KIAA0586: variants seen among roughly 807,000 people sequenced by gnomAD.
KIAA0586 encodes KIAA0586, also known as protein TALPID3.
A neutral mutation model predicts 169.8 loss-of-function variants in KIAA0586; 144 were observed. The ratio of observed to expected loss-of-function variants is 0.85; its 90% CI spans 0.74 to 0.97. KIAA0586 has a LOEUF of 0.97. KIAA0586 is among the 50% of genes least tolerant of loss of function. The pLI is 0.00. For synonymous variants in KIAA0586, 625 were observed against 612.4 expected (o/e 1.02, Z -0.30); for missense variants, 1,854 against 1,823.0 (o/e 1.02, Z -0.31).
At chr14:58,467,959 G>T in intron 16 of KIAA0586, 37 bp downstream of exon 16, 2 of 1,478,714 alleles carry the variant, frequency 1.4e-6, no homozygotes, top group East Asian at 2.4e-5. Flanking sequence ...TTTTAAGGAA[G>T]AAAAAATTTT....
At chr14:58,518,690 C>T (rs1295524558) in intron 29 of KIAA0586, among the ~76,000 whole-genome samples, 2 of 152,242 alleles carry the variant, frequency 1.3e-5, no homozygotes, top group African/African-American at 2.4e-5. Context: ...TCTCTCCCCA[C>T]TTCTATATGC....
At chr14:58,518,039 G>C (rs1214704272) in intron 29 of KIAA0586, among the ~76,000 whole-genome samples, 6 of 152,132 alleles carry the variant, frequency 3.9e-5, no homozygotes, top group African/African-American at 1.4e-4. Context: ...TATATATCTT[G>C]ATTGGGGTAG....
chr14:58,443,887 T>G, intron 5 of KIAA0586, 67 bp from the exon 6 acceptor site: 1 of 919,806 alleles, frequency 1.1e-6, no homozygotes, highest in Non-Finnish European at 1.7e-6. Flanking sequence ...AAATAACATT[T>G]CTAGTAATTA....
In KIAA0586 at chr14:58,474,772, A is replaced by G; in HGVS notation, c.2800A>G (p.Thr934Ala). The G allele has an allele frequency of 6.2e-7, 1 of 1,606,784 alleles. No individual in the cohort carries two copies. Among genetic ancestry groups the G allele is most frequent in the South Asian group, 1.1e-5 (1 of 89,222 alleles). ...GGATAAAGTAATTGAGAGAAAAGAA[A>G]CACTGGAAAATAGCTTAATTCAATG... ...ILDKVIERKE[T>A]LENSLIQWVE... Residue 934 changes from threonine to alanine, a missense_variant, in exon 19 of 31, where the codon ACA becomes GCA. Transcript: ENST00000652326.
At position 58,441,326 on chromosome 14, in the gene KIAA0586, G is replaced by A. The variant is rs897759486; in HGVS notation, c.411-1380G>A. ...TGAGATCCTCCCACCTCAGCCTCCC[G>A]AGTAGCTGGGACTACAGGTGTGTGC... is the stretch of plus-strand genomic sequence containing the variant. On this transcript the variant is annotated intron_variant, in intron 4 of 30. Transcript: ENST00000652326. 4 of 444,540 alleles carry A rather than the reference G, an allele frequency of 9.0e-6. No homozygotes were observed. The highest frequency in any genetic ancestry group is 7.2e-5 in the Admixed American group (3 of 41,460). 27.5% of individuals were successfully genotyped at this position (444,540 alleles called of 1,614,324 possible).
chr14:58,527,057 T>C (rs1215567438), intron 29 of KIAA0586, among the ~76,000 whole-genome samples: 2 of 152,032 alleles, frequency 1.3e-5, no homozygotes, highest in Non-Finnish European at 2.9e-5. Context: ...TTGTGAAGCA[T>C]ACTCAAGTAT....
chr14:58,460,510 A>G (rs913632329), intron 13 of KIAA0586, among the ~76,000 whole-genome samples: 11 of 152,264 alleles, frequency 7.2e-5, no homozygotes, highest in South Asian at 6.2e-4. Context: ...TAACTAGGCT[A>G]TAAGTTTCTA....
At chr14:58,555,232 C>G (rs2047235890), downstream of KIAA0586, among the ~76,000 whole-genome samples, 1 of 150,948 alleles carries the variant, frequency 6.6e-6, no homozygotes, top group South Asian at 2.1e-4. Flanking sequence ...TCCCAAGTAA[C>G]TGGGATTACA....
chr14:58,542,233 C>G (rs996076015), intron 30 of KIAA0586, among the ~76,000 whole-genome samples: 7 of 152,094 alleles, frequency 4.6e-5, no homozygotes, highest in African/African-American at 1.7e-4. Context: ...AATCCCAGCA[C>G]TTTGAGAGGC....
At chr14:58,498,049 T>G (rs544481800) in intron 26 of KIAA0586, among the ~76,000 whole-genome samples, 1 of 151,958 alleles carries the variant, frequency 6.6e-6, no homozygotes, top group Non-Finnish European at 1.5e-5. Flanking sequence ...AGCTAATTTT[T>G]TGTATTTTTA....
rs1566876599 is a variant in KIAA0586 at position 58,484,880 on chromosome 14, A to ATATATATATTTATATATATATATT, written c.3145-2104_3145-2103insTTATATATATTTATATATATATAT. Among the ~76,000 whole-genome samples, 124 of 51,792 alleles carry ATATATATATTTATATATATATATT rather than the reference A, an allele frequency of 2.4e-3. 3 individuals carry two copies. Among genetic ancestry groups the ATATATATATTTATATATATATATT allele is most frequent in the East Asian group, 5.9e-3 (11 of 1,868 alleles). 34.0% of individuals were successfully genotyped at this position (51,792 alleles called of 152,430 possible). A position where few individuals can be genotyped will look rare whatever the true frequency, so the allele number is the denominator to read the frequency against. On this transcript the variant is annotated intron_variant, in intron 21 of 30. Coordinates refer to ENST00000652326, the MANE Select transcript of KIAA0586 (RefSeq NM_001329943.3). Reference sequence around the variant, plus strand: ...GAAAAAGTCAAATTTTATATATATTATATATATATTTATATATATATATAT... The same window carrying ATATATATATTTATATATATATATT: ...GAAAAAGTCAAATTTTATATATATTATATATATATTTATATATATATATTTATATATATTTATATATATATATAT...
intron 20 of KIAA0586, among the ~76,000 whole-genome samples, chr14:58,477,739 C>T (rs2041753406): frequency 6.6e-6 from 1 of 151,676 alleles, no homozygotes; most frequent in African/African-American, 2.4e-5. Flanking sequence ...GGTGCCTATG[C>T]CCTTCTCTTC....
rs192536402 is a variant in KIAA0586 at position 58,445,368 on chromosome 14, A to G, written c.807+1193A>G. Among the ~76,000 whole-genome samples, 210 of 152,212 alleles carry G rather than the reference A, an allele frequency of 1.4e-3. 3 individuals are homozygous for G. The highest frequency in any genetic ancestry group is 5.0e-3 in the African/African-American group (206 of 41,548). ...AGTAAGGCACTGGGCTATTATAAAA[A>G]GCATTATCCTCACAAGGAGCTGTAG... On this transcript the variant is annotated intron_variant, in intron 6 of 30. Coordinates refer to ENST00000652326, the MANE Select transcript of KIAA0586 (RefSeq NM_001329943.3).
At chr14:58,503,480 A>G (rs2043720231) in intron 27 of KIAA0586, among the ~76,000 whole-genome samples, 1 of 152,178 alleles carries the variant, frequency 6.6e-6, no homozygotes, top group South Asian at 2.1e-4. Flanking sequence ...CTTATTCAGA[A>G]GATATTTTTG....
At chr14:58,543,471 C>G (rs2046790280) in intron 30 of KIAA0586, among the ~76,000 whole-genome samples, 1 of 152,156 alleles carries the variant, frequency 6.6e-6, no homozygotes, top group Non-Finnish European at 1.5e-5. Flanking sequence ...GATGGATGAG[C>G]TCAGCTCTGC....
At chr14:58,468,994 G>A (rs1382795107) in intron 16 of KIAA0586, among the ~76,000 whole-genome samples, 2 of 152,100 alleles carry the variant, frequency 1.3e-5, no homozygotes, top group East Asian at 3.9e-4. Flanking sequence ...TCCTGGAGCT[G>A]TCGGATGCCA....
At chr14:58,448,536 G>A in intron 7 of KIAA0586, 43 bp downstream of exon 7, 1 of 1,460,066 alleles carries the variant, frequency 6.8e-7, no homozygotes, top group African/African-American at 1.4e-5. Context: ...TGTCAGCTGT[G>A]AATTTTCTTT....
chr14:58,501,116 G>C (rs1427934073), intron 27 of KIAA0586, among the ~76,000 whole-genome samples: 2 of 152,144 alleles, frequency 1.3e-5, no homozygotes, highest in African/African-American at 4.8e-5. Context: ...TTTCTCTTAA[G>C]TGAAAAGAAA....
At position 58,457,909 on chromosome 14, in the gene KIAA0586, C is replaced by G. The variant is rs757972092; in HGVS notation, c.1513C>G (p.Leu505Val). Residue 505 changes from leucine to valine, a missense_variant, in exon 11 of 31, where the codon CTG (leucine) becomes GTG (valine). Physicochemically the swap from Leu to Val is conservative, Grantham distance 32. Coordinates refer to ENST00000652326, the MANE Select transcript of KIAA0586 (RefSeq NM_001329943.3). ...CAATAAAAAAGTACTTGAAGAAAACCTGGAAGCTATTATTCGTGCAAAAGA... is the reference window on the plus strand; with the variant it reads ...CAATAAAAAAGTACTTGAAGAAAACGTGGAAGCTATTATTCGTGCAAAAGA... ...QNNKKVLEEN[L>V]EAIIRAKDGA... 1.2e-6 allele frequency: 2 copies of G among 1,606,004 alleles called. No individual in the cohort carries two copies. Among genetic ancestry groups the G allele is most frequent in the Non-Finnish European group, 1.7e-6 (2 of 1,175,796 alleles).
Sources: allele counts gnomAD v4.1 joint callset (sites outside exome capture counted in the v4.1 genomes callset), GRCh38; gene constraint gnomAD v4.1.1; transcripts MANE v1.5; gene names NCBI Gene and HGNC (gene_info 2026-07-23, HGNC 2026-07-21).